Variants in BICC1 observed in about 807,000 individuals in gnomAD.
BICC1 encodes the protein protein bicaudal C homolog 1.
Under a neutral mutation model 111.0 loss-of-function variants are expected in BICC1, and 43 were observed. The observed-to-expected ratio is 0.39, with a 90% CI of 0.30 to 0.50. The LOEUF is 0.50. Among genes scored for constraint, BICC1 ranks in the 20% least tolerant of loss-of-function variants. The pLI is 0.88. For missense variants in BICC1, 1,091 were observed against 1,203.2 expected (o/e 0.91, Z 1.38); for synonymous variants, 467 against 434.4 (o/e 1.07, Z -0.93).
chr10:58,628,703 T>G (rs1837705879), intron 2 of BICC1, among the ~76,000 whole-genome samples: 1 of 152,170 alleles, frequency 6.6e-6, no homozygotes, highest in African/African-American at 2.4e-5. Context: ...GGCCATAATA[T>G]TCATAATATT....
chr10:58,607,177 G>A (rs930514554), intron 1 of BICC1, among the ~76,000 whole-genome samples: 40 of 152,106 alleles, frequency 2.6e-4, no homozygotes, highest in African/African-American at 8.4e-4. Flanking sequence ...TTAGCCGAGT[G>A]TGGTGGTGCA....
At chr10:58,709,398 C>T (rs1008696653) in intron 3 of BICC1, among the ~76,000 whole-genome samples, 1 of 152,208 alleles carries the variant, frequency 6.6e-6, no homozygotes, top group Admixed American at 6.5e-5. Flanking sequence ...TGCAAACATA[C>T]ACCTGTGCAC....
At chr10:58,668,373 T>G (rs1214693889) in intron 2 of BICC1, among the ~76,000 whole-genome samples, 2 of 152,100 alleles carry the variant, frequency 1.3e-5, no homozygotes, top group East Asian at 3.8e-4. Flanking sequence ...AGCTTAAAAC[T>G]TATACTTTTC....
At chr10:58,816,745 CTGTGTGTGTGTGTGTGTGTG>C (rs56310772) in intron 18 of BICC1, among the ~76,000 whole-genome samples, 58 of 122,162 alleles carry the variant, frequency 4.7e-4, no homozygotes, top group African/African-American at 1.1e-3. Context: ...ATCTCCAAGG[CTGTGTGTGTGTGTGTGTGTG>C]TGTGTGTGTG....
At chr10:58,789,022 T>C (rs1411769988) in intron 6 of BICC1, among the ~76,000 whole-genome samples, 1 of 151,572 alleles carries the variant, frequency 6.6e-6, no homozygotes, top group Non-Finnish European at 1.5e-5. Context: ...GCCCAGGAGG[T>C]GGAGGCTGTA....
rs552363278 is a variant in BICC1, at chr10:58,539,040, A to G, written c.190+25707A>G. ...TATGGAGATTTGATCCATGAATTCC[A>G]CTACTGAGTATCTACCCAATGGAAA... On this transcript the variant is annotated intron_variant, in intron 1 of 20. Transcript: ENST00000373886. Among the ~76,000 whole-genome samples, 5 of 151,976 alleles carry G rather than the reference A, an allele frequency of 3.3e-5. No individual in the cohort carries two copies. In the South Asian group the frequency reaches 1.0e-3, roughly 32 times the overall value.
At chr10:58,550,567 A>AT (rs1169747806) in intron 1 of BICC1, among the ~76,000 whole-genome samples, 39 of 152,170 alleles carry the variant, frequency 2.6e-4, no homozygotes, top group African/African-American at 9.1e-4. Flanking sequence ...ACTGTTTTGC[A>AT]TTTTATGTCT....
At chr10:58,513,396 C>T (rs1206153299) in intron 1 of BICC1, 63 bp downstream of exon 1, 71 of 1,412,576 alleles carry the variant, frequency 5.0e-5, no homozygotes, top group Non-Finnish European at 6.4e-5. Context: ...CGGACATCCC[C>T]ACCGCGCGCT....
rs990620080 is a variant in BICC1 at position 58,799,094 on chromosome 10, G to A, written c.1567G>A (p.Ala523Thr). The A allele has an allele frequency of 1.2e-6, 2 of 1,613,090 alleles. No homozygotes were observed. The highest frequency in any genetic ancestry group is 2.7e-5 in the African/African-American group (2 of 74,850). The change falls in exon 12 of 21, where the codon GCC becomes ACC. Residue 523 changes from alanine (A) to threonine (T), a missense_variant. Transcript: ENST00000373886. ...AIPHLMIPST[A>T]QATLTNILLS... ...ACCACACCTTATGATTCCATCTACT[G>A]CCCAAGCCACATTAACTAATATTTT...
At chr10:58,536,158 A>G (rs1013117390) in intron 1 of BICC1, among the ~76,000 whole-genome samples, 1 of 151,698 alleles carries the variant, frequency 6.6e-6, no homozygotes, top group African/African-American at 2.4e-5. Flanking sequence ...TGGCAGCACT[A>G]GACAGAGCAC....
chr10:58,727,188 A>C (rs962864173), intron 3 of BICC1, among the ~76,000 whole-genome samples: 4 of 152,148 alleles, frequency 2.6e-5, no homozygotes, highest in Non-Finnish European at 5.9e-5. Flanking sequence ...ACAGTAAGAA[A>C]ATAATATATA....
At chr10:58,756,626 CTTTTTTTTTTTTTTTTTTTT>C (rs66709538) in intron 3 of BICC1, among the ~76,000 whole-genome samples, 40,207 of 136,480 alleles carry the variant, frequency 0.29, 6,582 homozygotes, top group East Asian at 0.47. Context: ...AACTACTAGC[CTTTTTTTTTTTTTTTTTTTT>C]TTTTTTTTTT....
intron 1 of BICC1, among the ~76,000 whole-genome samples, chr10:58,616,090 A>G (rs778670940): frequency 4.6e-5 from 7 of 151,934 alleles, no homozygotes; most frequent in African/African-American, 9.7e-5. Context: ...AGGTGCAGGC[A>G]GGGTGCCTGG....
chr10:58,693,229 A>G (rs1376752330), intron 2 of BICC1, among the ~76,000 whole-genome samples: 1 of 152,108 alleles, frequency 6.6e-6, no homozygotes, highest in East Asian at 1.9e-4. Context: ...CATGGTGTAT[A>G]TGTGCCACAT....
intron 3 of BICC1, among the ~76,000 whole-genome samples, chr10:58,733,102 G>A (rs1841367105): frequency 6.6e-6 from 1 of 152,048 alleles, no homozygotes; most frequent in South Asian, 2.1e-4. Flanking sequence ...AGGTATGCTT[G>A]TAATATTTAT....
At chr10:58,660,228 G>A (rs1838796765) in intron 2 of BICC1, among the ~76,000 whole-genome samples, 1 of 152,090 alleles carries the variant, frequency 6.6e-6, no homozygotes, top group African/African-American at 2.4e-5. Context: ...GGAGTACTTG[G>A]TGCTCAAGTA....
intron 2 of BICC1, among the ~76,000 whole-genome samples, chr10:58,678,993 C>T (rs775009841): frequency 4.6e-5 from 7 of 152,032 alleles, no homozygotes; most frequent in Admixed American, 2.6e-4. Context: ...CCAATGTGAA[C>T]GAAGACACAA....
intron 18 of BICC1, chr10:58,814,453 G>A: frequency 1.1e-5 from 3 of 278,874 alleles, no homozygotes; most frequent in East Asian, 8.3e-5. Context: ...GTACACACAT[G>A]CATCCAGGTG....
At chr10:58,636,819 A>C (rs553186739) in intron 2 of BICC1, among the ~76,000 whole-genome samples, 120 of 152,338 alleles carry the variant, frequency 7.9e-4, no homozygotes, top group Admixed American at 1.4e-3. Context: ...ATAATTCCTC[A>C]TAGAATTGAT....
Sources: gnomAD v4.1 joint callset for allele counts (sites outside exome capture counted in the v4.1 genomes callset) on GRCh38, gnomAD v4.1.1 for gene constraint, MANE v1.5 for transcripts, NCBI Gene and HGNC (gene_info 2026-07-23, HGNC 2026-07-21) for gene names.